ITPR2: variants seen among roughly 807,000 people sequenced by gnomAD.
The protein encoded by ITPR2 is inositol 1,4,5-trisphosphate receptor type 2.
In ITPR2, 207 loss-of-function variants were observed where a neutral mutation model predicts 317.1. That is an observed-to-expected ratio of 0.65 (90% CI 0.58 to 0.73). The LOEUF (loss-of-function observed/expected upper bound fraction) is 0.73, where lower values mean the gene tolerates loss of function less well. ITPR2 is among the 30% of genes least tolerant of loss of function. ITPR2 has a pLI of 0.00. For synonymous variants in ITPR2, 1,156 were observed against 1,149.1 expected (o/e 1.01, Z -0.12); for missense variants, 2,613 against 3,284.0 (o/e 0.80, Z 4.99).
chr12:26,478,562 G>A (rs528994791), intron 43 of ITPR2, among the ~76,000 whole-genome samples: 84 of 152,086 alleles, frequency 5.5e-4, no homozygotes, highest in African/African-American at 1.8e-3. Context: ...AACGCTATTG[G>A]CAATATGGTA....
intron 45 of ITPR2, among the ~76,000 whole-genome samples, chr12:26,459,769 A>T (rs1941970094): frequency 6.6e-6 from 1 of 152,198 alleles, no homozygotes; most frequent in Non-Finnish European, 1.5e-5. Context: ...AATTTCAAAC[A>T]GCATCTATAT....
chr12:26,402,939 G>A (rs1940227535), intron 52 of ITPR2, among the ~76,000 whole-genome samples: 1 of 152,172 alleles, frequency 6.6e-6, no homozygotes, highest in South Asian at 2.1e-4. Flanking sequence ...AGAGAAGGAT[G>A]GAAGTGTCCC....
At chr12:26,769,027 C>CACACACACACACACACACACACACA (rs55797555) in intron 2 of ITPR2, among the ~76,000 whole-genome samples, 1 of 112,316 alleles carries the variant, frequency 8.9e-6, no homozygotes, top group Non-Finnish European at 1.7e-5. Context: ...ACACACACAC[C>CACACACACACACACACACACACACA]CCAATCTCAG....
intron 26 of ITPR2, among the ~76,000 whole-genome samples, chr12:26,605,098 A>AATAAAT (rs1555165356): frequency 2.8e-5 from 3 of 107,150 alleles, no homozygotes; most frequent in Non-Finnish European, 6.3e-5. Flanking sequence ...AAAAAAAAAA[A>AATAAAT]AAATAAAAAT....
intron 54 of ITPR2, among the ~76,000 whole-genome samples, chr12:26,396,815 T>A (rs1940013551): frequency 6.6e-6 from 1 of 152,180 alleles, no homozygotes; most frequent in African/African-American, 2.4e-5. Flanking sequence ...CCTAAATTGT[T>A]TTTTTCATCT....
At chr12:26,783,653 G>A (rs920985428) in intron 2 of ITPR2, among the ~76,000 whole-genome samples, 1 of 152,140 alleles carries the variant, frequency 6.6e-6, no homozygotes, top group African/African-American at 2.4e-5. Context: ...CTTTATTAAA[G>A]GGAAGACGAT....
intron 55 of ITPR2, among the ~76,000 whole-genome samples, chr12:26,345,815 T>C (rs1045880045): frequency 2.0e-5 from 3 of 152,184 alleles, no homozygotes; most frequent in Non-Finnish European, 4.4e-5. Context: ...GAGAAGATAC[T>C]AGTTAACAGG....
chr12:26,639,984 C>T (rs1476627663), intron 21 of ITPR2, among the ~76,000 whole-genome samples: 2 of 151,834 alleles, frequency 1.3e-5, no homozygotes, highest in Non-Finnish European at 2.9e-5. Flanking sequence ...GGGTATATAC[C>T]CAGTAATGGG....
At chr12:26,388,919 G>C (rs1327405398) in intron 54 of ITPR2, among the ~76,000 whole-genome samples, 1 of 152,122 alleles carries the variant, frequency 6.6e-6, no homozygotes, top group East Asian at 1.9e-4. Context: ...TTCGATGGCA[G>C]CTCTGTTCTA....
chr12:26,649,941 A>T (rs528396876), intron 21 of ITPR2, among the ~76,000 whole-genome samples: 2 of 152,212 alleles, frequency 1.3e-5, no homozygotes, highest in South Asian at 2.1e-4. Flanking sequence ...TTTATTTATT[A>T]ATTGTCTTCC....
At chr12:26,377,165 C>A (rs1374993847) in intron 55 of ITPR2, among the ~76,000 whole-genome samples, 1 of 152,198 alleles carries the variant, frequency 6.6e-6, no homozygotes, top group Non-Finnish European at 1.5e-5. Context: ...CGTGTTCCAT[C>A]TTCATTTACC....
intron 8 of ITPR2, among the ~76,000 whole-genome samples, chr12:26,711,677 G>A (rs1029102986): frequency 6.6e-6 from 1 of 152,154 alleles, no homozygotes; most frequent in African/African-American, 2.4e-5. Flanking sequence ...CATTCTAATG[G>A]AAAAGAGAGA....
intron 55 of ITPR2, among the ~76,000 whole-genome samples, chr12:26,362,033 GCAA>G (rs1938846476): frequency 6.6e-6 from 1 of 152,154 alleles, no homozygotes; most frequent in South Asian, 2.1e-4. Context: ...GAATCCCATT[GCAA>G]TAAATACACT....
intron 39 of ITPR2, among the ~76,000 whole-genome samples, chr12:26,493,753 T>C (rs1942864222): frequency 6.6e-6 from 1 of 152,228 alleles, no homozygotes; most frequent in Non-Finnish European, 1.5e-5. Context: ...GTCTGTCATC[T>C]GGGAACACTC....
At chr12:26,692,319 T>C (rs116100042) in intron 10 of ITPR2, among the ~76,000 whole-genome samples, 24 of 152,302 alleles carry the variant, frequency 1.6e-4, no homozygotes, top group African/African-American at 5.3e-4. Context: ...TATTGGCACC[T>C]GGTGAGTAGA....
chr12:26,468,577 A>AG, intron 45 of ITPR2, among the ~76,000 whole-genome samples: 1 of 151,970 alleles, frequency 6.6e-6, no homozygotes, highest in Non-Finnish European at 1.5e-5. Context: ...AGAAAAAAAA[A>AG]AAAAAGATAA....
At chr12:26,591,079 CAAAAAAAAAA>C (rs34387951) in intron 32 of ITPR2, among the ~76,000 whole-genome samples, 10 of 43,408 alleles carry the variant, frequency 2.3e-4, no homozygotes, top group African/African-American at 6.3e-4. Context: ...GACTCCATCT[CAAAAAAAAAA>C]AAAAAAAAAA....
chr12:26,822,943 C>T (rs2137296828), intron 1 of ITPR2, among the ~76,000 whole-genome samples: 1 of 152,220 alleles, frequency 6.6e-6, no homozygotes, highest in Non-Finnish European at 1.5e-5. Flanking sequence ...TTAAAATGGA[C>T]AGTAAAATTT....
At chr12:26,523,647 C>T (rs1439841564) in intron 37 of ITPR2, among the ~76,000 whole-genome samples, 1 of 152,080 alleles carries the variant, frequency 6.6e-6, no homozygotes, top group Non-Finnish European at 1.5e-5. Context: ...TTAAACTCAG[C>T]TCTTCAGGGG....
Sources: gnomAD v4.1 joint callset for allele counts (sites outside exome capture counted in the v4.1 genomes callset) on GRCh38, gnomAD v4.1.1 for gene constraint, MANE v1.5 for transcripts, NCBI Gene and HGNC (gene_info 2026-07-23, HGNC 2026-07-21) for gene names.